Variants in ZNF407 observed in about 807,000 individuals in gnomAD.
ZNF407 encodes the protein zinc finger protein 407.
ZNF407 carries 17 observed loss-of-function variants against 131.2 expected under a neutral mutation model. That is an observed-to-expected ratio of 0.13 (90% CI 0.09 to 0.19). The LOEUF is 0.19. Ranked by LOEUF, ZNF407 falls within the 10% of genes least tolerant of loss-of-function variation. ZNF407 has a pLI of 1.00. For missense variants in ZNF407, 2,681 were observed against 2,830.6 expected, an observed-to-expected ratio of 0.95 and a Z score of 1.20; for synonymous variants, 1,156 against 1,062.0, an observed-to-expected ratio of 1.09 and a Z score of -1.72.
intron 7 of ZNF407, among the ~76,000 whole-genome samples, chr18:74,907,660 C>T (rs1971614670): frequency 6.6e-6 from 1 of 152,174 alleles, no homozygotes; most frequent in African/African-American, 2.4e-5. Flanking sequence ...AGTATGGATG[C>T]ACTGTACATT....
At chr18:74,889,865 T>G in intron 6 of ZNF407, 53 bp from the exon 7 acceptor site, 2 of 1,527,556 alleles carry the variant, frequency 1.3e-6, no homozygotes, top group Non-Finnish European at 1.8e-6. Context: ...GTTTATTCCT[T>G]CATTTCCAGT....
intron 8 of ZNF407, among the ~76,000 whole-genome samples, chr18:75,008,525 A>C (rs899144486): frequency 2.6e-5 from 4 of 152,236 alleles, no homozygotes; most frequent in African/African-American, 9.6e-5. Flanking sequence ...GGCGTTTTTC[A>C]TAAATGTTTT....
At chr18:74,693,207 G>T (rs1025870152) in intron 3 of ZNF407, among the ~76,000 whole-genome samples, 2 of 152,146 alleles carry the variant, frequency 1.3e-5, no homozygotes, top group African/African-American at 4.8e-5. Flanking sequence ...ATTTAGACTT[G>T]AGTTTATGTG....
rs150438458 is a variant in ZNF407 at position 74,896,775 on chromosome 18, A to G, written c.5249+6737A>G. The stretch of plus-strand genomic sequence containing the variant: ...TTTTTTTGAGGGGTTCCCTAACAAA[A>G]TAAAATGAATGTCCTCTTAATTGTA... On this transcript the variant is annotated intron_variant, in intron 7 of 8. Coordinates refer to ENST00000299687, the MANE Select transcript of ZNF407 (RefSeq NM_017757.3). Among the ~76,000 whole-genome samples, 193 of 152,368 alleles carry G rather than the reference A, an allele frequency of 1.3e-3. 2 individuals carry two copies. Among genetic ancestry groups the G allele is most frequent in the African/African-American group, 4.4e-3 (181 of 41,588 alleles).
Position 74,631,736 on chromosome 18 carries a change from G to A in ZNF407, c.717G>A (p.Gly239=). 6.2e-7 allele frequency: 1 copy of A among 1,614,020 alleles called. No homozygotes were observed. Among genetic ancestry groups the A allele is most frequent in the Non-Finnish European group, 8.5e-7 (1 of 1,179,896 alleles). ...ALHMHIKQAH[G]PQKVFSCDLC... is the part of the protein sequence containing the mutation. Reference sequence around the variant, plus strand: ...ATATGCATATCAAACAAGCACATGGGCCACAGAAGGTCTTTTCCTGTGATC... The same window carrying A: ...ATATGCATATCAAACAAGCACATGGACCACAGAAGGTCTTTTCCTGTGATC... Residue 239 remains glycine, a synonymous_variant, in exon 2 of 9, where the codon GGG becomes GGA. Coordinates refer to ENST00000299687, the MANE Select transcript of ZNF407 (RefSeq NM_017757.3).
intron 7 of ZNF407, chr18:74,905,438 G>T (rs2628116): frequency 0.97 from 148,472 of 152,380 alleles, 72,463 homozygotes; most frequent in East Asian, 1. Context: ...CACGAGAGCC[G>T]GTTGGCTGCT....
At chr18:74,820,198 T>A (rs918107686) in intron 4 of ZNF407, among the ~76,000 whole-genome samples, 4 of 152,122 alleles carry the variant, frequency 2.6e-5, no homozygotes, top group Non-Finnish European at 5.9e-5. Context: ...CAACACTGAA[T>A]AGATGGGAGG....
chr18:75,059,452 CCT>C lies in ZNF407; in HGVS notation c.5429-3697_5429-3696del, dbSNP rs1437836234. Among the ~76,000 whole-genome samples the C allele has an allele frequency of 5.3e-3, 803 of 152,224 alleles. 8 individuals are homozygous for C. Among genetic ancestry groups the C allele is most frequent in the African/African-American group, 0.018 (748 of 41,516 alleles). ...GGGGAGGGGAATGACCAGAAGGCTGCCTTCTTTGTTTTTGTGTCCTTATTTCC... is the reference window on the plus strand; with the variant it reads ...GGGGAGGGGAATGACCAGAAGGCTGCTCTTTGTTTTTGTGTCCTTATTTCC... On this transcript the variant is annotated intron_variant, in intron 8 of 8. Coordinates refer to ENST00000299687, the MANE Select transcript of ZNF407 (RefSeq NM_017757.3).
rs1020246651 is a variant in ZNF407, at chr18:74,631,855, G to T, written c.836G>T (p.Gly279Val). ...CGTCAGAATCTGGCTGCTCGTGGAG[G>T]ATTTGTACAGATCTTAACAAAACAA... is the stretch of plus-strand genomic sequence containing the variant. ...LRRQNLAARG[G>V]FVQILTKQPF... Residue 279 changes from glycine (G) to valine (V), a missense_variant, in exon 2 of 9, where the codon GGA becomes GTA. Transcript: ENST00000299687. The T allele has an allele frequency of 2.2e-5, 36 of 1,613,996 alleles. No individual in the cohort carries two copies. Among genetic ancestry groups the T allele is most frequent in the Admixed American group, 5.0e-5 (3 of 60,026 alleles).
At chr18:75,053,197 C>T (rs2122269977) in intron 8 of ZNF407, among the ~76,000 whole-genome samples, 1 of 152,260 alleles carries the variant, frequency 6.6e-6, no homozygotes, top group East Asian at 1.9e-4. Context: ...CGCACTGTTC[C>T]CTCTAGACAC....
At chr18:74,989,699 C>T (rs566025479) in intron 8 of ZNF407, among the ~76,000 whole-genome samples, 4 of 152,030 alleles carry the variant, frequency 2.6e-5, no homozygotes, top group South Asian at 4.2e-4. Context: ...AAAAATTAGC[C>T]GGGCATGGTG....
chr18:75,035,087 T>C (rs78118888), intron 8 of ZNF407, among the ~76,000 whole-genome samples: 1 of 152,130 alleles, frequency 6.6e-6, no homozygotes. Flanking sequence ...ACTGAAAAAA[T>C]TAGTTGTGGC....
At chr18:74,864,900 A>G (rs1315069549) in intron 4 of ZNF407, among the ~76,000 whole-genome samples, 2 of 152,194 alleles carry the variant, frequency 1.3e-5, no homozygotes, top group African/African-American at 4.8e-5. Flanking sequence ...TTTTCCATTG[A>G]GCACCTAGAA....
intron 3 of ZNF407, among the ~76,000 whole-genome samples, chr18:74,769,427 G>T (rs1332270116): frequency 6.6e-6 from 1 of 151,018 alleles, no homozygotes; most frequent in African/African-American, 2.5e-5. Context: ...AGTTTCCAAT[G>T]AGTATCTCTT....
intron 8 of ZNF407, among the ~76,000 whole-genome samples, chr18:74,922,644 A>G (rs755953119): frequency 1.3e-5 from 2 of 152,236 alleles, no homozygotes; most frequent in Non-Finnish European, 2.9e-5. Context: ...TACCCTTGGT[A>G]TCTCTACATT....
intron 8 of ZNF407, among the ~76,000 whole-genome samples, chr18:75,041,433 CCT>C (rs1397194030): frequency 7.2e-5 from 11 of 152,108 alleles, no homozygotes; most frequent in Admixed American, 6.5e-4. Context: ...TCTCTTCTTA[CCT>C]CTCACACACA....
chr18:74,692,121 G>GT (rs1491428379), intron 3 of ZNF407, among the ~76,000 whole-genome samples: 18 of 151,108 alleles, frequency 1.2e-4, no homozygotes, highest in Admixed American at 2.0e-4. Flanking sequence ...GTGCGTGTGT[G>GT]GGTGTGTGTG....
intron 8 of ZNF407, among the ~76,000 whole-genome samples, chr18:75,056,635 A>G (rs1973565425): frequency 6.6e-6 from 1 of 152,272 alleles, no homozygotes; most frequent in Non-Finnish European, 1.5e-5. Context: ...CTTCAAAACC[A>G]GAGTCCAGTG....
At chr18:74,846,621 G>C (rs1970707203) in intron 4 of ZNF407, among the ~76,000 whole-genome samples, 1 of 151,956 alleles carries the variant, frequency 6.6e-6, no homozygotes, top group Non-Finnish European at 1.5e-5. Flanking sequence ...ACAGGTGTGA[G>C]CCACTGCCTT....
Sources: gnomAD v4.1 joint callset for allele counts (sites outside exome capture counted in the v4.1 genomes callset) on GRCh38, gnomAD v4.1.1 for gene constraint, MANE v1.5 for transcripts, NCBI Gene and HGNC (gene_info 2026-07-23, HGNC 2026-07-21) for gene names.